Variants in PIEZO2 observed in about 807,000 individuals in gnomAD.
The protein encoded by PIEZO2 is piezo-type mechanosensitive ion channel component 2.
A neutral mutation model predicts 337.3 loss-of-function variants in PIEZO2; 172 were observed. The ratio of observed to expected loss-of-function variants is 0.51; its 90% confidence interval spans 0.45 to 0.58. The LOEUF (loss-of-function observed/expected upper bound fraction) is 0.58, where lower values mean the gene tolerates loss of function less well. Ranked by LOEUF, PIEZO2 falls within the 20% of genes least tolerant of loss-of-function variation. The pLI is 0.00. For missense variants in PIEZO2, 3,028 were observed against 3,391.3 expected (o/e 0.89, Z 2.66); for synonymous variants, 1,251 against 1,228.5 (o/e 1.02, Z -0.38).
Position 10,854,965 on chromosome 18 carries a change from C to G in PIEZO2, c.917+388G>C, listed in dbSNP as rs72973126. ...TTTTACAATTAGTTAATGTTTCTGACGCTTAATTTGTTCTCGTATATTAGG... is the reference window on the plus strand; with the variant it reads ...TTTTACAATTAGTTAATGTTTCTGAGGCTTAATTTGTTCTCGTATATTAGG... On this transcript the variant is annotated intron_variant, in intron 7 of 55. Coordinates refer to ENST00000674853, the MANE Select transcript of PIEZO2 (RefSeq NM_001378183.1). This position sits in a 1 kb window ranked among gnomAD's most constrained non-coding sequence, Gnocchi z 4.6. 6.6e-6 allele frequency among the ~76,000 whole-genome samples: 1 copy of G among 152,066 alleles called. No homozygotes were observed. The highest frequency in any genetic ancestry group is 1.5e-5 in the Non-Finnish European group (1 of 68,006).
chr18:10,919,800 C>T (rs149076891), intron 3 of PIEZO2, among the ~76,000 whole-genome samples: 12 of 152,160 alleles, frequency 7.9e-5, no homozygotes, highest in Middle Eastern at 3.4e-3. Flanking sequence ...CAGTCTATAA[C>T]GCTTCCTCTA....
intron 1 of PIEZO2, among the ~76,000 whole-genome samples, chr18:11,114,959 G>A (rs2039844969): frequency 6.6e-6 from 1 of 152,210 alleles, no homozygotes; most frequent in African/African-American, 2.4e-5. Context: ...GGCAAGCAGT[G>A]TTGATATCAT....
In PIEZO2 at chr18:11,057,439, A is replaced by C. The variant is rs568215774; in HGVS notation, c.160+8688T>G. Reference sequence around the variant, plus strand: ...GATTTCTAAAAACAGGAAGTCATTTAGTCAAATCCCTGTCTTTTGATAATT... The same window carrying C: ...GATTTCTAAAAACAGGAAGTCATTTCGTCAAATCCCTGTCTTTTGATAATT... On this transcript the variant is annotated intron_variant, in intron 2 of 55. Coordinates refer to ENST00000674853, the MANE Select transcript of PIEZO2 (RefSeq NM_001378183.1). Among the ~76,000 whole-genome samples the C allele has an allele frequency of 2.0e-5, 3 of 152,366 alleles. No homozygotes were observed. The East Asian group carries it at 5.8e-4, about 29-fold the overall frequency.
chr18:11,038,489 C>A lies in PIEZO2; in HGVS notation c.160+27638G>T, dbSNP rs751563520. On this transcript the variant is annotated intron_variant, in intron 2 of 55. Transcript: ENST00000674853. The surrounding 1 kb of genome is among the most constrained non-coding windows in gnomAD (Gnocchi z 4.1). ...TTTAGGTACAATGCAGTTTCTTGTGCTCATTCATCATTTTCCAACACCCAT... is the reference window on the plus strand; with the variant it reads ...TTTAGGTACAATGCAGTTTCTTGTGATCATTCATCATTTTCCAACACCCAT... 2.6e-5 allele frequency among the ~76,000 whole-genome samples: 4 copies of A among 152,104 alleles called. No homozygotes were observed. The highest frequency in any genetic ancestry group is 4.8e-5 in the African/African-American group (2 of 41,412).
At chr18:10,944,189 G>A (rs2032880633) in intron 3 of PIEZO2, among the ~76,000 whole-genome samples, 1 of 152,108 alleles carries the variant, frequency 6.6e-6, no homozygotes, top group Admixed American at 6.6e-5. Flanking sequence ...CTCGGTGGAT[G>A]AGGCAATCAT....
intron 1 of PIEZO2, among the ~76,000 whole-genome samples, chr18:11,141,412 A>G (rs1275323720): frequency 6.6e-6 from 1 of 152,188 alleles, no homozygotes; most frequent in Non-Finnish European, 1.5e-5. Context: ...GGGCAGGGGA[A>G]GGCACATCTA....
At chr18:10,887,065 CTTTTTTT>C (rs143421507) in intron 4 of PIEZO2, among the ~76,000 whole-genome samples, 1 of 91,396 alleles carries the variant, frequency 1.1e-5, no homozygotes, top group African/African-American at 4.4e-5. Context: ...AGGTGACACA[CTTTTTTT>C]TTTTTTTTTT....
rs997895385 is a variant in PIEZO2 at position 10,847,731 on chromosome 18, T to A, written c.917+7622A>T. ...ACTCTACCTTTCAGATAAGCATAAA[T>A]GAACTCTGAATGAGACCTGTAGAAT... On this transcript the variant is annotated intron_variant, in intron 7 of 55. Coordinates refer to ENST00000674853, the MANE Select transcript of PIEZO2 (RefSeq NM_001378183.1). The surrounding 1 kb of genome is among the most constrained non-coding windows in gnomAD (Gnocchi z 5.7). Among the ~76,000 whole-genome samples the A allele has an allele frequency of 2.0e-5, 3 of 152,226 alleles. No individual in the cohort carries two copies. Among genetic ancestry groups the A allele is most frequent in the African/African-American group, 7.2e-5 (3 of 41,468 alleles).
At chr18:10,743,030 A>C (rs189765552) in intron 31 of PIEZO2, among the ~76,000 whole-genome samples, 1 of 152,218 alleles carries the variant, frequency 6.6e-6, no homozygotes, top group Non-Finnish European at 1.5e-5. Flanking sequence ...TTTAGCAAAG[A>C]GAATTACAGT....
At chr18:11,015,794 T>G (rs577680618) in intron 2 of PIEZO2, among the ~76,000 whole-genome samples, 1 of 152,300 alleles carries the variant, frequency 6.6e-6, no homozygotes, top group East Asian at 1.9e-4. Context: ...CTCGAATTTC[T>G]TATGGAAAAC....
At position 10,795,043 on chromosome 18, in the gene PIEZO2, A is replaced by G. The variant is rs6505594; in HGVS notation, c.1528-41T>C. On this transcript the variant is annotated intron_variant, in intron 12 of 55. Coordinates refer to ENST00000674853, the MANE Select transcript of PIEZO2 (RefSeq NM_001378183.1). This position sits in a 1 kb window ranked among gnomAD's most constrained non-coding sequence, Gnocchi z 4.4. Reference sequence around the variant, plus strand: ...AAGGAAACACGACCATGGTCAATACAATGCTCAGTCCCCCCCGCCCTGGTA... The same window carrying G: ...AAGGAAACACGACCATGGTCAATACGATGCTCAGTCCCCCCCGCCCTGGTA... The G allele has an allele frequency of 0.34, 507,770 of 1,474,904 alleles. 91,978 individuals carry two copies. The highest frequency in any genetic ancestry group is 0.39 in the Middle Eastern group (2,258 of 5,854). The allele number at this position is 1,474,904 out of a possible 1,614,324, so 91.4% of individuals were successfully genotyped here. A position where few individuals can be genotyped will look rare whatever the true frequency, so the allele number is the denominator to read the frequency against.
rs79463403 is a variant in PIEZO2, at chr18:10,680,034, A to G, written c.7952+165T>C. 4.6e-3 allele frequency among the ~76,000 whole-genome samples: 703 copies of G among 152,340 alleles called. 5 individuals are homozygous for G. Among genetic ancestry groups the G allele is most frequent in the African/African-American group, 0.016 (660 of 41,578 alleles). On this transcript the variant is annotated intron_variant, in intron 52 of 55. Coordinates refer to ENST00000674853, the MANE Select transcript of PIEZO2 (RefSeq NM_001378183.1). ...GCAAGTCATTATTTAATACATAAAA[A>G]TGTTAGCTTTGGCATTGAAGGTAAG...
chr18:11,078,749 A>C lies in PIEZO2; in HGVS notation c.65-12527T>G, dbSNP rs965394889. Among the ~76,000 whole-genome samples, 7 of 152,210 alleles carry C rather than the reference A, an allele frequency of 4.6e-5. No individual in the cohort carries two copies. Among genetic ancestry groups the C allele is most frequent in the African/African-American group, 1.7e-4 (7 of 41,452 alleles). ...CCAGAGCAACATCCAAATAGCAATG[A>C]ATTGGATGAATGCCTCAAAATGAAC... On this transcript the variant is annotated intron_variant, in intron 1 of 55. Coordinates refer to ENST00000674853, the MANE Select transcript of PIEZO2 (RefSeq NM_001378183.1). The surrounding 1 kb of genome is among the most constrained non-coding windows in gnomAD (Gnocchi z 5.3).
chr18:10,950,849 G>T (rs142726322), intron 3 of PIEZO2, among the ~76,000 whole-genome samples: 301 of 152,236 alleles, frequency 2.0e-3, no homozygotes, highest in African/African-American at 6.4e-3. Flanking sequence ...AATAAGCCTC[G>T]CTGATTTTAC....
chr18:11,069,796 A>C lies in PIEZO2; in HGVS notation c.65-3574T>G, dbSNP rs1392146267. On this transcript the variant is annotated intron_variant, in intron 1 of 55. Coordinates refer to ENST00000674853, the MANE Select transcript of PIEZO2 (RefSeq NM_001378183.1). The surrounding 1 kb of genome is among the most constrained non-coding windows in gnomAD (Gnocchi z 4.9). ...AAAACCCTAAAGATTCAACCAAAAAATTGTTAGAACTAATTAATTCAGTAA... is the reference window on the plus strand; with the variant it reads ...AAAACCCTAAAGATTCAACCAAAAACTTGTTAGAACTAATTAATTCAGTAA... Among the ~76,000 whole-genome samples the C allele has an allele frequency of 1.3e-5, 2 of 152,220 alleles. No homozygotes were observed. The highest frequency in any genetic ancestry group is 2.9e-5 in the Non-Finnish European group (2 of 68,038).
Position 10,973,251 on chromosome 18 carries a change from G to A in PIEZO2, c.286+6284C>T, listed in dbSNP as rs1470741070. On this transcript the variant is annotated intron_variant, in intron 3 of 55. Transcript: ENST00000674853. The surrounding 1 kb of genome is among the most constrained non-coding windows in gnomAD (Gnocchi z 4.9). ...TACCACTCAGCTCGCCTTCGTGCCTGTGTCTAGCTTTTGGCAGTAAAAACA... is the reference window on the plus strand; with the variant it reads ...TACCACTCAGCTCGCCTTCGTGCCTATGTCTAGCTTTTGGCAGTAAAAACA... 6.6e-6 allele frequency among the ~76,000 whole-genome samples: 1 copy of A among 152,214 alleles called. No homozygotes were observed. Among genetic ancestry groups the A allele is most frequent in the African/African-American group, 2.4e-5 (1 of 41,446 alleles).
At chr18:10,925,369 T>TA (rs1464440849) in intron 3 of PIEZO2, among the ~76,000 whole-genome samples, 2 of 152,124 alleles carry the variant, frequency 1.3e-5, no homozygotes, top group African/African-American at 4.8e-5. Flanking sequence ...ATGAGACAGG[T>TA]AAAAGCAAGA....
intron 51 of PIEZO2, 118 bp from the exon 52 acceptor site, chr18:10,680,489 T>C: frequency 1.0e-6 from 1 of 957,240 alleles, no homozygotes; most frequent in East Asian, 2.6e-5. Flanking sequence ...TTGAAGGGAA[T>C]ATTTTTATAA....
chr18:10,740,936 T>C (rs1352933360), intron 33 of PIEZO2, 95 bp downstream of exon 33: 5 of 1,257,214 alleles, frequency 4.0e-6, no homozygotes, highest in South Asian at 3.8e-5. Context: ...GATCAAACCA[T>C]GCATGGAACA....
Sources: gnomAD v4.1 joint callset for allele counts (sites outside exome capture counted in the v4.1 genomes callset) on GRCh38, gnomAD v4.1.1 for gene constraint, Gnocchi (gnomAD v3.1) non-coding constraint, MANE v1.5 for transcripts, NCBI Gene and HGNC (gene_info 2026-07-23, HGNC 2026-07-21) for gene names.